CHRDL1: variants seen among roughly 807,000 people sequenced by gnomAD.
CHRDL1 encodes chordin like 1.
Under a neutral mutation model 40.9 loss-of-function variants are expected in CHRDL1, and 19 were observed. The ratio of observed to expected loss-of-function variants is 0.46; its 90% CI spans 0.32 to 0.68. The LOEUF (loss-of-function observed/expected upper bound fraction) is 0.68, where lower values mean the gene tolerates loss of function less well. Ranked by LOEUF, CHRDL1 falls within the 30% of genes least tolerant of loss-of-function variation. The probability of loss-of-function intolerance (pLI) is 0.03; values close to 1 mark genes in which losing one functional copy is unlikely to be tolerated. For missense variants in CHRDL1, 329 were observed against 352.1 expected, an observed-to-expected ratio of 0.93 and a Z score of 0.53; for synonymous variants, 136 against 123.4, an observed-to-expected ratio of 1.10 and a Z score of -0.68.
At chrX:110,754,844 C>T (rs2148501421) in intron 4 of CHRDL1, among the ~76,000 whole-genome samples, 1 of 110,629 alleles carries the variant, frequency 9.0e-6, no homozygotes, top group South Asian at 3.9e-4. Flanking sequence ...ATAGCAAATT[C>T]TCAGTGGAAT....
rs759247022 is a variant in CHRDL1 at position 110,728,119 on chromosome X, AAT to A, written c.302-6591_302-6590del. 3.5e-4 allele frequency among the ~76,000 whole-genome samples: 39 copies of A among 109,895 alleles called. No homozygotes were observed. In the South Asian group the frequency reaches 9.2e-3, roughly 26 times the overall value. On this transcript the variant is annotated intron_variant, in intron 4 of 11. Coordinates refer to ENST00000372042, the MANE Select transcript of CHRDL1 (RefSeq NM_001143981.2). ...TATGTAAATGAAAAAATATTTTTAA[AAT>A]ATATATATATATTCATATTTGCTTA...
At chrX:110,747,158 C>A (rs552901694) in intron 4 of CHRDL1, among the ~76,000 whole-genome samples, 2 of 110,898 alleles carry the variant, frequency 1.8e-5, no homozygotes, top group African/African-American at 6.6e-5. Flanking sequence ...ACCAGCCTGA[C>A]TTCCTGGAAG....
chrX:110,721,035 A>G (rs1265734422), intron 5 of CHRDL1, among the ~76,000 whole-genome samples: 16 of 111,893 alleles, frequency 1.4e-4, no homozygotes, highest in Non-Finnish European at 5.6e-5. Context: ...TGACTTTTCC[A>G]CCCATAGCAT....
intron 4 of CHRDL1, among the ~76,000 whole-genome samples, chrX:110,733,342 A>G (rs900345069): frequency 9.0e-6 from 1 of 111,113 alleles, no homozygotes. Flanking sequence ...CCACTTGGCT[A>G]AAGAATGCTC....
In CHRDL1 at chrX:110,692,188, C is replaced by T. The variant is rs1279852960; in HGVS notation, c.778+1975G>A. Among the ~76,000 whole-genome samples, 31 of 111,559 alleles carry T rather than the reference C, an allele frequency of 2.8e-4. 1 individual carries two copies. The highest frequency in any genetic ancestry group is 1.3e-4 in the Non-Finnish European group (7 of 53,161). ...TGTTATATAGCTAGGCTCCATCTCC[C>T]CTGAACATTTGGACTAAAGGAATAG... On this transcript the variant is annotated intron_variant, in intron 8 of 11. Transcript: ENST00000372042.
intron 7 of CHRDL1, among the ~76,000 whole-genome samples, chrX:110,697,663 C>T (rs187269642): frequency 7.3e-5 from 8 of 109,507 alleles, no homozygotes; most frequent in East Asian, 2.9e-4. Context: ...CTATCCCAAA[C>T]GCTTTCACTT....
At chrX:110,792,028 T>C (rs1021577375) in intron 2 of CHRDL1, 60 bp downstream of exon 2, 5 of 717,648 alleles carry the variant, frequency 7.0e-6, no homozygotes, top group African/African-American at 6.5e-5. Flanking sequence ...CTACAGATTA[T>C]AGCCACATTT....
chrX:110,783,093 G>A (rs2089969830), intron 2 of CHRDL1, among the ~76,000 whole-genome samples: 1 of 112,328 alleles, frequency 8.9e-6, no homozygotes, highest in Non-Finnish European at 1.9e-5. Flanking sequence ...TACTGACACT[G>A]ATATTTTTAT....
rs145359033 is a variant in CHRDL1, at chrX:110,751,593, A to G, written c.301+8068T>C. ...TGAGGTATCATCTCAGCCCAGTTAG[A>G]ATGGTTATGTTCAAAAAGACAAAAT... On this transcript the variant is annotated intron_variant, in intron 4 of 11. Coordinates refer to ENST00000372042, the MANE Select transcript of CHRDL1 (RefSeq NM_001143981.2). Among the ~76,000 whole-genome samples, 125 of 112,124 alleles carry G rather than the reference A, an allele frequency of 1.1e-3. 1 individual carries two copies. Among genetic ancestry groups the G allele is most frequent in the African/African-American group, 4.0e-3 (124 of 30,864 alleles).
At chrX:110,748,278 T>G (rs1489654312) in intron 4 of CHRDL1, among the ~76,000 whole-genome samples, 1 of 111,979 alleles carries the variant, frequency 8.9e-6, no homozygotes, top group Non-Finnish European at 1.9e-5. Context: ...CAGAAAGCAA[T>G]CGCAGAAGAG....
chrX:110,785,261 A>C (rs2089999978), intron 2 of CHRDL1, among the ~76,000 whole-genome samples: 1 of 111,823 alleles, frequency 8.9e-6, no homozygotes, highest in African/African-American at 3.2e-5. Flanking sequence ...CTTTACTACA[A>C]GTGCATTTTA....
intron 2 of CHRDL1, among the ~76,000 whole-genome samples, chrX:110,774,315 A>C (rs749600419): frequency 2.7e-5 from 3 of 112,072 alleles, no homozygotes; most frequent in Non-Finnish European, 5.6e-5. Flanking sequence ...AAGTCAATCC[A>C]TCTTATGGCA....
intron 4 of CHRDL1, among the ~76,000 whole-genome samples, chrX:110,735,109 G>C (rs1452969590): frequency 2.7e-5 from 3 of 111,023 alleles, no homozygotes; most frequent in Non-Finnish European, 5.6e-5. Context: ...ACAATGTGAG[G>C]CATCTGGATG....
At position 110,675,475 on chromosome X, in the gene CHRDL1, T is replaced by C. The variant is rs1433956220; in HGVS notation, c.*756A>G. ...GAATGAATGAGGCTATGAAAGTGTTTTTATTCTTTACCCTGACTCTATTGT... is the reference window on the plus strand; with the variant it reads ...GAATGAATGAGGCTATGAAAGTGTTCTTATTCTTTACCCTGACTCTATTGT... On this transcript the variant is annotated 3_prime_UTR_variant, in exon 12 of 12. Transcript: ENST00000372042. 1 of 111,293 alleles carries C rather than the reference T, an allele frequency of 9.0e-6. No homozygotes were observed. Among genetic ancestry groups the C allele is most frequent in the Non-Finnish European group, 1.9e-5 (1 of 53,053 alleles). The allele number at this position is 111,293 out of a possible 1,213,427, so 9.2% of individuals were successfully genotyped here. A position where few individuals can be genotyped will look rare whatever the true frequency, so the allele number is the denominator to read the frequency against.
At chrX:110,769,950 G>A (rs1036301551) in intron 2 of CHRDL1, among the ~76,000 whole-genome samples, 18 of 112,401 alleles carry the variant, frequency 1.6e-4, no homozygotes, top group Non-Finnish European at 2.8e-4. Context: ...AAACTAAACT[G>A]AGAGAGATGC....
At chrX:110,725,753 T>A (rs1345761634) in intron 4 of CHRDL1, among the ~76,000 whole-genome samples, 1 of 112,146 alleles carries the variant, frequency 8.9e-6, no homozygotes, top group Non-Finnish European at 1.9e-5. Context: ...CAGTTGCTAA[T>A]CTCCTTGACG....
intron 9 of CHRDL1, among the ~76,000 whole-genome samples, chrX:110,685,062 T>C (rs1461000422): frequency 2.7e-5 from 3 of 112,175 alleles, no homozygotes; most frequent in African/African-American, 6.5e-5. Flanking sequence ...GTTTTTTACA[T>C]GATAAATTTT....
chrX:110,755,922 C>T (rs761614777), intron 4 of CHRDL1, among the ~76,000 whole-genome samples: 4 of 111,501 alleles, frequency 3.6e-5, no homozygotes, highest in Non-Finnish European at 5.7e-5. Context: ...TGGGTGGGTA[C>T]CTTTTTATTT....
intron 8 of CHRDL1, among the ~76,000 whole-genome samples, chrX:110,689,374 G>A (rs2148420268): frequency 1.0e-5 from 1 of 96,826 alleles, no homozygotes; most frequent in South Asian, 4.6e-4. Context: ...TGAGATTACA[G>A]GCATGAGCCA....
Sources: allele counts gnomAD v4.1 joint callset (sites outside exome capture counted in the v4.1 genomes callset), GRCh38; gene constraint gnomAD v4.1.1; transcripts MANE v1.5; gene names NCBI Gene and HGNC (gene_info 2026-07-23, HGNC 2026-07-21).